Variants in NRG3 observed in about 807,000 individuals in gnomAD.
NRG3 encodes pro-neuregulin-3, membrane-bound isoform.
NRG3 carries 31 observed loss-of-function variants against 66.9 expected under a neutral mutation model. That is an observed-to-expected ratio of 0.46 (90% CI 0.35 to 0.63). NRG3 has a LOEUF of 0.63. Ranked by LOEUF, NRG3 falls within the 20% of genes least tolerant of loss-of-function variation. The probability of loss-of-function intolerance (pLI) is 0.00; values close to 1 mark genes in which losing one functional copy is unlikely to be tolerated. For synonymous variants in NRG3, 393 were observed against 359.4 expected, an observed-to-expected ratio of 1.09 and a Z score of -1.06; for missense variants, 910 against 878.9, an observed-to-expected ratio of 1.04 and a Z score of -0.45.
At chr10:82,215,176 T>C (rs1269407684) in intron 1 of NRG3, among the ~76,000 whole-genome samples, 2 of 152,216 alleles carry the variant, frequency 1.3e-5, no homozygotes, top group Non-Finnish European at 1.5e-5. Context: ...TTATGAGAAA[T>C]TATTTGCTGT....
rs562685356 is a variant in NRG3 at position 82,971,383 on chromosome 10, G to C, written c.1285-2405G>C. ...CTTGCCACAATTCATAGGTAATTAA[G>C]TTATGACAATGTTAATGGTTTATAA... On this transcript the variant is annotated intron_variant, in intron 6 of 8. Transcript: ENST00000372141. 1.9e-4 allele frequency among the ~76,000 whole-genome samples: 29 copies of C among 150,540 alleles called. 1 individual carries two copies. In the South Asian group the frequency reaches 6.1e-3, roughly 32 times the overall value.
intron 2 of NRG3, among the ~76,000 whole-genome samples, chr10:82,519,529 C>G (rs2132525982): frequency 6.6e-6 from 1 of 152,206 alleles, no homozygotes; most frequent in Non-Finnish European, 1.5e-5. Context: ...ATTCCCTTTC[C>G]CTTTCCTTCA....
At chr10:81,899,138 T>G (rs962348595) in intron 1 of NRG3, among the ~76,000 whole-genome samples, 2 of 152,202 alleles carry the variant, frequency 1.3e-5, no homozygotes, top group Admixed American at 1.3e-4. Context: ...GTTATGCATT[T>G]TTAAAACTCC....
chr10:82,134,436 T>G (rs1419438546), intron 1 of NRG3, among the ~76,000 whole-genome samples: 1 of 152,174 alleles, frequency 6.6e-6, no homozygotes, highest in African/African-American at 2.4e-5. Flanking sequence ...GATTTTGGTA[T>G]ATCGTATAAG....
At chr10:82,958,906 T>C (rs376189246) in intron 5 of NRG3, 43 bp from the exon 6 acceptor site, 6 of 1,500,868 alleles carry the variant, frequency 4.0e-6, no homozygotes, top group African/African-American at 1.4e-5. Context: ...AGGAGTTGAA[T>C]AAAGTCATGC....
intron 2 of NRG3, among the ~76,000 whole-genome samples, chr10:82,388,296 C>A (rs1342185030): frequency 1.3e-5 from 2 of 152,014 alleles, no homozygotes; most frequent in African/African-American, 4.8e-5. Flanking sequence ...TATTTTAAAT[C>A]AAAGGAAACC....
chr10:82,037,729 T>G (rs1197931361), intron 1 of NRG3, among the ~76,000 whole-genome samples: 2 of 152,044 alleles, frequency 1.3e-5, no homozygotes, highest in Non-Finnish European at 2.9e-5. Context: ...TGAACCTCAG[T>G]TTTCTCTTAT....
chr10:82,386,468 A>G (rs2085996006), intron 2 of NRG3, among the ~76,000 whole-genome samples: 1 of 152,244 alleles, frequency 6.6e-6, no homozygotes, highest in African/African-American at 2.4e-5. Flanking sequence ...TCTCATTGTC[A>G]TCATAAATTC....
chr10:82,561,159 A>T (rs1203753000), intron 2 of NRG3, among the ~76,000 whole-genome samples: 1 of 152,222 alleles, frequency 6.6e-6, no homozygotes, highest in Non-Finnish European at 1.5e-5. Context: ...CTATTTAAAA[A>T]GAAAGCTAGA....
intron 1 of NRG3, among the ~76,000 whole-genome samples, chr10:81,973,671 C>CT (rs1363517072): frequency 6.6e-6 from 1 of 152,066 alleles, no homozygotes; most frequent in Non-Finnish European, 1.5e-5. Context: ...TGATGTTGAG[C>CT]TTTTTTGTAT....
In NRG3 at chr10:82,154,551, G is replaced by GT. The variant is rs556126416; in HGVS notation, c.824-204178dup. On this transcript the variant is annotated intron_variant, in intron 1 of 8. Coordinates refer to ENST00000372141, the MANE Select transcript of NRG3 (RefSeq NM_001010848.4). ...CTCAAGATTGCTTTGGCTATTTGGG[G>GT]TTTTTTTTTTGTTTCATATAAATTT... Among the ~76,000 whole-genome samples, 954 of 145,552 alleles carry GT rather than the reference G, an allele frequency of 6.6e-3. 6 individuals carry two copies. The highest frequency in any genetic ancestry group is 0.015 in the African/African-American group (575 of 39,628).
chr10:82,373,305 C>T (rs764356251), intron 2 of NRG3, among the ~76,000 whole-genome samples: 6 of 152,204 alleles, frequency 3.9e-5, no homozygotes, highest in South Asian at 2.1e-4. Context: ...TTATAGCTAA[C>T]GTCAGAGAAA....
At chr10:82,950,672 T>C (rs2132351602) in intron 4 of NRG3, among the ~76,000 whole-genome samples, 1 of 152,272 alleles carries the variant, frequency 6.6e-6, no homozygotes, top group East Asian at 1.9e-4. Context: ...CTGTCCTATA[T>C]AAACAGAAAG....
At chr10:82,745,023 G>A (rs995475912) in intron 3 of NRG3, among the ~76,000 whole-genome samples, 2 of 152,130 alleles carry the variant, frequency 1.3e-5, no homozygotes, top group African/African-American at 4.8e-5. Context: ...AATATCTCCA[G>A]TTGTACTGAG....
At chr10:82,794,924 A>G (rs905898642) in intron 3 of NRG3, among the ~76,000 whole-genome samples, 23 of 152,200 alleles carry the variant, frequency 1.5e-4, no homozygotes, top group Admixed American at 1.3e-4. Flanking sequence ...ACAAAGGGAA[A>G]CTAAGCTCTA....
chr10:82,958,834 A>C, intron 5 of NRG3, 115 bp from the exon 6 acceptor site: 1 of 1,225,426 alleles, frequency 8.2e-7, no homozygotes, highest in Non-Finnish European at 1.1e-6. Context: ...TCGTTAGCTG[A>C]GTTTATTTAA....
At chr10:82,353,970 G>A (rs1382289596) in intron 1 of NRG3, among the ~76,000 whole-genome samples, 1 of 147,408 alleles carries the variant, frequency 6.8e-6, no homozygotes, top group Non-Finnish European at 1.5e-5. Context: ...AACTTACTTC[G>A]CTTCCCAGAA....
At chr10:82,460,778 G>C (rs748850360) in intron 2 of NRG3, among the ~76,000 whole-genome samples, 8 of 152,128 alleles carry the variant, frequency 5.3e-5, no homozygotes, top group Non-Finnish European at 1.0e-4. Flanking sequence ...CCCTGCTAGA[G>C]CCTTGCACCA....
chr10:82,223,728 G>A (rs1266004747), intron 1 of NRG3, among the ~76,000 whole-genome samples: 2 of 148,872 alleles, frequency 1.3e-5, no homozygotes, highest in African/African-American at 5.0e-5. Flanking sequence ...AACATATACA[G>A]GCACACACTT....
Sources: gnomAD v4.1 joint callset for allele counts (sites outside exome capture counted in the v4.1 genomes callset) on GRCh38, gnomAD v4.1.1 for gene constraint, MANE v1.5 for transcripts, NCBI Gene and HGNC (gene_info 2026-07-23, HGNC 2026-07-21) for gene names.